Variants in HS6ST3 observed in about 807,000 individuals in gnomAD.
HS6ST3 encodes the protein heparan-sulfate 6-O-sulfotransferase 3.
Under a neutral mutation model 36.7 loss-of-function variants are expected in HS6ST3, and 12 were observed. That is an observed-to-expected ratio of 0.33 (90% CI 0.21 to 0.53). The LOEUF is 0.53. HS6ST3 is among the 20% of genes least tolerant of loss of function. The pLI is 0.95. For synonymous variants in HS6ST3, 240 were observed against 257.5 expected (o/e 0.93, Z 0.65); for missense variants, 584 against 640.9 (o/e 0.91, Z 0.96).
intron 1 of HS6ST3, among the ~76,000 whole-genome samples, chr13:96,819,895 T>C (rs1037710916): frequency 5.3e-5 from 8 of 151,770 alleles, no homozygotes; most frequent in Non-Finnish European, 1.2e-4. Flanking sequence ...AGTCACATGG[T>C]GAAACCCCCA....
chr13:96,725,937 A>G (rs1015845028), intron 1 of HS6ST3, among the ~76,000 whole-genome samples: 2 of 152,096 alleles, frequency 1.3e-5, no homozygotes, highest in East Asian at 3.9e-4. Context: ...CCCAGGGTTC[A>G]AGTGATTCTC....
intron 1 of HS6ST3, among the ~76,000 whole-genome samples, chr13:96,623,123 C>G (rs1481137685): frequency 6.6e-6 from 1 of 152,102 alleles, no homozygotes; most frequent in South Asian, 2.1e-4. Flanking sequence ...GGTAATTTTG[C>G]ATCATAAACT....
chr13:96,200,561 A>G (rs2054336657), intron 1 of HS6ST3, among the ~76,000 whole-genome samples: 1 of 152,146 alleles, frequency 6.6e-6, no homozygotes, highest in African/African-American at 2.4e-5. Context: ...TCCCCAGACC[A>G]TGGCATACCT....
rs2053757558 is a variant in HS6ST3, at chr13:96,090,815, TG to T, written c.-47del. 1 of 1,392,248 alleles carries T rather than the reference TG, an allele frequency of 7.2e-7. No homozygotes were observed. The highest frequency in any genetic ancestry group is 1.5e-5 in the South Asian group (1 of 68,272). 86.2% of individuals were successfully genotyped at this position (1,392,248 alleles called of 1,614,324 possible). A position where few individuals can be genotyped will look rare whatever the true frequency, so the allele number is the denominator to read the frequency against. ...CTTCCGAGCGGGCGCCCGTCCGCCCTGCCGCCGCCGCCGCCGCCGCTTCGCC... is the reference window on the plus strand; with the variant it reads ...CTTCCGAGCGGGCGCCCGTCCGCCCTCCGCCGCCGCCGCCGCCGCTTCGCC... On this transcript the variant is annotated 5_prime_UTR_variant, in exon 1 of 2. An upstream open reading frame in the 5' UTR loses its in-frame stop. Coordinates refer to ENST00000376705, the MANE Select transcript of HS6ST3 (RefSeq NM_153456.4).
chr13:96,216,199 G>A (rs974085492), intron 1 of HS6ST3, among the ~76,000 whole-genome samples: 2 of 152,126 alleles, frequency 1.3e-5, no homozygotes, highest in Non-Finnish European at 2.9e-5. Flanking sequence ...AACCATTGTT[G>A]CACAATTTCT....
rs190823562 is a variant in HS6ST3, at chr13:96,435,834, C to A, written c.707+344265C>A. On this transcript the variant is annotated intron_variant, in intron 1 of 1. Coordinates refer to ENST00000376705, the MANE Select transcript of HS6ST3 (RefSeq NM_153456.4). Reference sequence around the variant, plus strand: ...TTTTTATCAGACTTTAGAAAAGAATCACAAATTCTTTGTACTTCATTTCCC... The same window carrying A: ...TTTTTATCAGACTTTAGAAAAGAATAACAAATTCTTTGTACTTCATTTCCC... Among the ~76,000 whole-genome samples, 360 of 152,056 alleles carry A rather than the reference C, an allele frequency of 2.4e-3. 1 individual carries two copies. The highest frequency in any genetic ancestry group is 8.3e-3 in the African/African-American group (343 of 41,494).
chr13:96,126,967 A>T (rs1041096131), intron 1 of HS6ST3, among the ~76,000 whole-genome samples: 1 of 152,152 alleles, frequency 6.6e-6, no homozygotes, highest in South Asian at 2.1e-4. Flanking sequence ...GGGCCTATAA[A>T]GGTGATCCCT....
chr13:96,091,821 C>G (rs1051909536), intron 1 of HS6ST3, among the ~76,000 whole-genome samples: 9 of 152,094 alleles, frequency 5.9e-5, no homozygotes, highest in Non-Finnish European at 1.5e-5. Flanking sequence ...GCGGAGCCAC[C>G]GTGTGGATCC....
intron 1 of HS6ST3, among the ~76,000 whole-genome samples, chr13:96,364,360 C>T (rs752263849): frequency 3.3e-5 from 5 of 152,078 alleles, no homozygotes; most frequent in South Asian, 2.1e-4. Flanking sequence ...ATGTCCACAA[C>T]GCATGAATGG....
chr13:96,436,684 A>C (rs1177433), intron 1 of HS6ST3, among the ~76,000 whole-genome samples: 72,101 of 152,044 alleles, frequency 0.47, 17,795 homozygotes, highest in African/African-American at 0.61. Flanking sequence ...TGCGCATTCA[A>C]AGAGAAAAGG....
At chr13:96,777,689 G>A (rs1363252571) in intron 1 of HS6ST3, among the ~76,000 whole-genome samples, 2 of 152,068 alleles carry the variant, frequency 1.3e-5, no homozygotes, top group Non-Finnish European at 2.9e-5. Flanking sequence ...CAAACAAATG[G>A]AAAAACATTC....
chr13:96,267,809 G>A (rs938342563), intron 1 of HS6ST3, among the ~76,000 whole-genome samples: 3 of 151,994 alleles, frequency 2.0e-5, no homozygotes, highest in Admixed American at 6.5e-5. Context: ...GTAGGCAGGG[G>A]AAGGGGCAGT....
At chr13:96,395,543 G>A (rs1188191757) in intron 1 of HS6ST3, among the ~76,000 whole-genome samples, 1 of 152,106 alleles carries the variant, frequency 6.6e-6, no homozygotes, top group Non-Finnish European at 1.5e-5. Flanking sequence ...AGCACATTCA[G>A]AGATGGCTTT....
At chr13:96,293,278 T>C (rs2054838948) in intron 1 of HS6ST3, among the ~76,000 whole-genome samples, 1 of 152,140 alleles carries the variant, frequency 6.6e-6, no homozygotes, top group Non-Finnish European at 1.5e-5. Flanking sequence ...ACCTTGAGTT[T>C]GCCTGTAATA....
rs374666055 is a variant in HS6ST3, at chr13:96,808,932, C to A, written c.708-23558C>A. Among the ~76,000 whole-genome samples, 44 of 152,230 alleles carry A rather than the reference C, an allele frequency of 2.9e-4. No individual in the cohort carries two copies. In the East Asian group the frequency reaches 6.2e-3, roughly 21 times the overall value. ...AAGAGGAGGACAGGGATGAAAAGAG[C>A]CCAGCCAGGCTACAGCAGGATGCAG... On this transcript the variant is annotated intron_variant, in intron 1 of 1. Transcript: ENST00000376705.
Position 96,090,365 on chromosome 13 carries a change from C to G in HS6ST3, c.-498C>G, listed in dbSNP as rs1309729074. On this transcript the variant is annotated 5_prime_UTR_variant, in exon 1 of 2. Coordinates refer to ENST00000376705, the MANE Select transcript of HS6ST3 (RefSeq NM_153456.4). ...GCGTGCCGGGCGCGGTGCCCGCGGCCGGCCGGGGCGGCGGGAGCGGGCCGC... is the reference window on the plus strand; with the variant it reads ...GCGTGCCGGGCGCGGTGCCCGCGGCGGGCCGGGGCGGCGGGAGCGGGCCGC... Among the ~76,000 whole-genome samples, 1 of 146,260 alleles carries G rather than the reference C, an allele frequency of 6.8e-6. No homozygotes were observed. Among genetic ancestry groups the G allele is most frequent in the East Asian group, 2.0e-4 (1 of 5,054 alleles).
chr13:96,152,629 G>T (rs1379572604), intron 1 of HS6ST3, among the ~76,000 whole-genome samples: 1 of 152,034 alleles, frequency 6.6e-6, no homozygotes, highest in African/African-American at 2.4e-5. Flanking sequence ...GAGCCACCGC[G>T]CCTGGCTCCT....
At chr13:96,642,048 T>G (rs993066980) in intron 1 of HS6ST3, among the ~76,000 whole-genome samples, 3 of 151,892 alleles carry the variant, frequency 2.0e-5, no homozygotes, top group African/African-American at 7.2e-5. Flanking sequence ...GGACTCCCTT[T>G]AGTATTTCTT....
chr13:96,604,277 T>G (rs1465024416), intron 1 of HS6ST3, among the ~76,000 whole-genome samples: 1 of 152,184 alleles, frequency 6.6e-6, no homozygotes, highest in Admixed American at 6.5e-5. Flanking sequence ...AATCCATCAT[T>G]TTTACTGAGT....
Sources: gnomAD v4.1 joint callset for allele counts (sites outside exome capture counted in the v4.1 genomes callset) on GRCh38, gnomAD v4.1.1 for gene constraint, MANE v1.5 for transcripts, NCBI Gene and HGNC (gene_info 2026-07-23, HGNC 2026-07-21) for gene names.